NELL2: variants seen among roughly 807,000 people sequenced by gnomAD.
NELL2 encodes the protein neural EGFL like 2.
A neutral mutation model predicts 109.6 loss-of-function variants in NELL2; 41 were observed. The ratio of observed to expected loss-of-function variants is 0.37; its 90% CI spans 0.29 to 0.49. The LOEUF (loss-of-function observed/expected upper bound fraction) is 0.49, where lower values mean the gene tolerates loss of function less well. Among genes scored for constraint, NELL2 ranks in the 20% least tolerant of loss-of-function variants. The pLI, the probability that NELL2 is intolerant of heterozygous loss-of-function variation, is 0.98. For missense variants in NELL2, 900 were observed against 1,008.3 expected (o/e 0.89, Z 1.45); for synonymous variants, 355 against 344.7 (o/e 1.03, Z -0.33).
chr12:44,626,775 C>T (rs969510187), intron 13 of NELL2, among the ~76,000 whole-genome samples: 17 of 151,998 alleles, frequency 1.1e-4, no homozygotes, highest in Non-Finnish European at 1.8e-4. Context: ...GTTAATAAGT[C>T]GCAGAATTAA....
rs540730536 is a variant in NELL2, at chr12:44,695,921, C to T, written c.1318+7805G>A. ...ATTGCTTGAGGGCAAGAGGCTGAGGCTGCAATGAGGCATGATTGCACCACT... is the reference window on the plus strand; with the variant it reads ...ATTGCTTGAGGGCAAGAGGCTGAGGTTGCAATGAGGCATGATTGCACCACT... On this transcript the variant is annotated intron_variant, in intron 12 of 19. Coordinates refer to ENST00000429094, the MANE Select transcript of NELL2 (RefSeq NM_001145108.2). Among the ~76,000 whole-genome samples the T allele has an allele frequency of 7.2e-5, 11 of 152,076 alleles. 1 individual carries two copies. The South Asian group carries it at 2.3e-3, about 32-fold the overall frequency.
upstream of NELL2, among the ~76,000 whole-genome samples, chr12:44,878,149 T>C (rs1194949475): frequency 6.6e-6 from 1 of 152,188 alleles, no homozygotes; most frequent in East Asian, 1.9e-4. Flanking sequence ...GTAGGGATAC[T>C]CTCGAGTTTC....
At chr12:44,641,236 A>G (rs1946843094) in intron 13 of NELL2, among the ~76,000 whole-genome samples, 1 of 152,228 alleles carries the variant, frequency 6.6e-6, no homozygotes, top group South Asian at 2.1e-4. Flanking sequence ...AACCAGGAAC[A>G]ATGCAAAGGG....
intron 2 of NELL2, among the ~76,000 whole-genome samples, chr12:44,816,625 T>G (rs1268436128): frequency 6.6e-6 from 1 of 152,230 alleles, no homozygotes; most frequent in Non-Finnish European, 1.5e-5. Context: ...CCAGAAGGTT[T>G]GCTATAAATA....
intron 1 of NELL2, 101 bp downstream of exon 1, chr12:44,875,714 C>A (rs976208312): frequency 6.2e-7 from 1 of 1,609,006 alleles, no homozygotes; most frequent in African/African-American, 1.3e-5. Context: ...CCACTCCAGA[C>A]CTACTTTGGG....
chr12:44,656,096 G>T (rs1030301189), intron 13 of NELL2, among the ~76,000 whole-genome samples: 1 of 152,174 alleles, frequency 6.6e-6, no homozygotes, highest in Non-Finnish European at 1.5e-5. Context: ...CACAGAAGCA[G>T]CCAGGCTCAC....
rs139484336 is a variant in NELL2 at position 44,687,090 on chromosome 12, G to A, written c.1318+16636C>T. Among the ~76,000 whole-genome samples the A allele has an allele frequency of 7.8e-4, 119 of 152,310 alleles. 1 individual carries two copies. Among genetic ancestry groups the A allele is most frequent in the Admixed American group, 3.7e-3 (56 of 15,302 alleles). On this transcript the variant is annotated intron_variant, in intron 12 of 19. Transcript: ENST00000429094. ...GGCATAGGACCCTCCGAGCCAAGTG[G>A]GGGATATAATCTCCTGGTGCACCAT...
At chr12:44,579,963 A>G (rs1944263991) in intron 15 of NELL2, among the ~76,000 whole-genome samples, 2 of 151,456 alleles carry the variant, frequency 1.3e-5, no homozygotes, top group South Asian at 2.1e-4. Flanking sequence ...ATATTCAAAT[A>G]TTCATAACAA....
chr12:44,902,000 G>T (rs1423323470), intron 1 of NELL2, among the ~76,000 whole-genome samples: 3 of 152,140 alleles, frequency 2.0e-5, no homozygotes, highest in Non-Finnish European at 4.4e-5. Flanking sequence ...ACAAGACAAG[G>T]ATACCCTCTC....
At chr12:44,610,758 G>A in intron 14 of NELL2, 90 bp downstream of exon 14, 2 of 1,547,860 alleles carry the variant, frequency 1.3e-6, no homozygotes, top group Non-Finnish European at 1.8e-6. Context: ...TACCTGGAAT[G>A]TACATAACAG....
intron 3 of NELL2, among the ~76,000 whole-genome samples, chr12:44,810,236 G>A (rs1943129679): frequency 6.6e-6 from 1 of 152,010 alleles, no homozygotes; most frequent in South Asian, 2.1e-4. Flanking sequence ...ATGTAATAGA[G>A]TTTGCAAGTT....
intron 9 of NELL2, among the ~76,000 whole-genome samples, chr12:44,754,888 T>C (rs1940814893): frequency 6.6e-6 from 1 of 152,182 alleles, no homozygotes; most frequent in Admixed American, 6.5e-5. Context: ...TCCATTAAGA[T>C]TTACTATCGA....
intron 1 of NELL2, among the ~76,000 whole-genome samples, chr12:44,888,293 G>A (rs373499243): frequency 1.3e-5 from 2 of 151,566 alleles, no homozygotes; most frequent in African/African-American, 4.9e-5. Context: ...TTGTTCTTTC[G>A]GCTAAGGATT....
chr12:44,702,674 A>G (rs936263469), intron 12 of NELL2, among the ~76,000 whole-genome samples: 1 of 152,212 alleles, frequency 6.6e-6, no homozygotes, highest in African/African-American at 2.4e-5. Context: ...ATAAATCTGC[A>G]TTATGAATGG....
chr12:44,738,631 A>G (rs190665877), intron 9 of NELL2, among the ~76,000 whole-genome samples: 2 of 152,280 alleles, frequency 1.3e-5, no homozygotes, highest in Admixed American at 1.3e-4. Context: ...AGCAAAGACT[A>G]GAACCATAGA....
At chr12:44,807,512 T>C (rs1158658673) in intron 3 of NELL2, among the ~76,000 whole-genome samples, 1 of 151,834 alleles carries the variant, frequency 6.6e-6, no homozygotes, top group African/African-American at 2.4e-5. Context: ...ACTCCTAAAA[T>C]TTAGACGTCA....
chr12:44,569,074 C>T (rs1943765023), intron 15 of NELL2, among the ~76,000 whole-genome samples: 1 of 152,052 alleles, frequency 6.6e-6, no homozygotes, highest in Admixed American at 6.6e-5. Context: ...TGTTGTTTTC[C>T]TCTACGTGTC....
chr12:44,889,376 T>C (rs1945508630), intron 1 of NELL2, among the ~76,000 whole-genome samples: 1 of 151,990 alleles, frequency 6.6e-6, no homozygotes, highest in African/African-American at 2.4e-5. Flanking sequence ...TCAAGAGCCA[T>C]GAGTCATCAG....
Position 44,875,175 on chromosome 12 carries a change from G to T in NELL2, c.184+50C>A, listed in dbSNP as rs746433699. On this transcript the variant is annotated intron_variant, in intron 2 of 19. Coordinates refer to ENST00000429094, the MANE Select transcript of NELL2 (RefSeq NM_001145108.2). ...ACAAGCGGCAAGAGCAACTCCTGCC[G>T]GGGTTATCGGAACTGAAATCACAGT... 5.7e-6 allele frequency: 9 copies of T among 1,579,616 alleles called. No individual in the cohort carries two copies. In the South Asian group the frequency reaches 9.3e-5, roughly 16 times the overall value.
Sources: allele counts gnomAD v4.1 joint callset (sites outside exome capture counted in the v4.1 genomes callset), GRCh38; gene constraint gnomAD v4.1.1; transcripts MANE v1.5; gene names NCBI Gene and HGNC (gene_info 2026-07-23, HGNC 2026-07-21).